The following ITIH1 variants were observed in gnomAD, a reference collection of about 807,000 sequenced individuals.
ITIH1 encodes inter-alpha-trypsin inhibitor heavy chain H1.
In ITIH1, 94 loss-of-function variants were observed where a neutral mutation model predicts 104.6. The observed-to-expected ratio is 0.90, with a 90% CI of 0.76 to 1.07. The LOEUF (loss-of-function observed/expected upper bound fraction) is 1.07, where lower values mean the gene tolerates loss of function less well. ITIH1 is among the 50% of genes least tolerant of loss of function. ITIH1 has a pLI of 0.00. For missense variants in ITIH1, 1,193 were observed against 1,181.4 expected (o/e 1.01, Z -0.14); for synonymous variants, 455 against 464.4 (o/e 0.98, Z 0.26).
chr3:52,778,745 GC>G, intron 3 of ITIH1, 196 bp from the exon 4 acceptor site: 2 of 1,333,524 alleles, frequency 1.5e-6, no homozygotes, highest in African/African-American at 1.5e-5. Flanking sequence ...AGGAGCCAAG[GC>G]CAGAGTCTGA....
intron 15 of ITIH1, 62 bp downstream of exon 15, chr3:52,787,264 C>A: frequency 6.2e-7 from 1 of 1,605,324 alleles, no homozygotes; most frequent in Non-Finnish European, 8.5e-7. Context: ...GTGGCAGGTG[C>A]TCCAGCCCCA....
chr3:52,784,712 T>C (rs368206698), intron 11 of ITIH1, among the ~76,000 whole-genome samples: 26 of 152,194 alleles, frequency 1.7e-4, no homozygotes, highest in African/African-American at 6.3e-4. Context: ...CCGTCTCTAC[T>C]GAAGATACAA....
At position 52,783,246 on chromosome 3, in the gene ITIH1, A is replaced by G; in HGVS notation, c.1132A>G (p.Ile378Val). 3.1e-6 allele frequency: 5 copies of G among 1,614,094 alleles called. No individual in the cohort carries two copies. The highest frequency in any genetic ancestry group is 4.2e-6 in the Non-Finnish European group (5 of 1,180,014). ...TNLNGGLLRG[I>V]EILNQVQESL... ...CCTGAATGGAGGTTTGCTCCGGGGAATTGAGATCTTGAACCAAGTTCAGGA... is the reference window on the plus strand; with the variant it reads ...CCTGAATGGAGGTTTGCTCCGGGGAGTTGAGATCTTGAACCAAGTTCAGGA... The change falls in exon 10 of 22, where the codon ATT becomes GTT. Residue 378 changes from isoleucine (I) to valine (V), a missense_variant. Ile to Val is a conservative substitution (Grantham distance 29). Coordinates refer to ENST00000273283, the MANE Select transcript of ITIH1 (RefSeq NM_002215.4).
At chr3:52,789,899 T>C in intron 19 of ITIH1, 45 bp downstream of exon 19, 1 of 1,589,882 alleles carries the variant, frequency 6.3e-7, no homozygotes. Context: ...AGGTGTGGCC[T>C]GGGCCCAGGA....
chr3:52,782,815 C>A, intron 8 of ITIH1, 142 bp from the exon 9 acceptor site: 1 of 775,008 alleles, frequency 1.3e-6, no homozygotes, highest in Non-Finnish European at 2.1e-6. Context: ...CAGGATGCTC[C>A]TGTCTCGGGG....
At position 52,779,966 on chromosome 3, in the gene ITIH1, G is replaced by A; in HGVS notation, c.574-303G>A. Reference sequence around the variant, plus strand: ...GTGGTGGCTGAGTTGAGGGATGCAGGCATGTACACCTTCATTTGGTCAGTA... The same window carrying A: ...GTGGTGGCTGAGTTGAGGGATGCAGACATGTACACCTTCATTTGGTCAGTA... On this transcript the variant is annotated intron_variant, in intron 5 of 21. Transcript: ENST00000273283. This position sits in a 1 kb window ranked among gnomAD's most constrained non-coding sequence, Gnocchi z 4.4. 1 of 1,387,062 alleles carries A rather than the reference G, an allele frequency of 7.2e-7. No individual in the cohort carries two copies. The highest frequency in any genetic ancestry group is 9.3e-7 in the Non-Finnish European group (1 of 1,071,370). The allele number at this position is 1,387,062 out of a possible 1,614,324, so 85.9% of individuals were successfully genotyped here.
In ITIH1 at chr3:52,784,437, A is replaced by T. The variant is rs1699147463; in HGVS notation, c.1367A>T (p.Gln456Leu). The change falls in exon 11 of 22, where the codon CAG becomes CTG. Residue 456 changes from glutamine to leucine, a missense_variant. Physicochemically the swap from Gln to Leu is moderately radical, Grantham distance 113 (BLOSUM62 -2). Transcript: ENST00000273283. Reference protein sequence around the residue: ...VMSMENNGRAQRIYEDHDATQ... With the variant: ...VMSMENNGRALRIYEDHDATQ... Reference sequence around the variant, plus strand: ...TCCATGGAGAACAACGGACGGGCCCAGAGAATCTACGAGGACCATGATGCC... The same window carrying T: ...TCCATGGAGAACAACGGACGGGCCCTGAGAATCTACGAGGACCATGATGCC... 1.2e-6 allele frequency: 2 copies of T among 1,614,170 alleles called. No individual in the cohort carries two copies. Among genetic ancestry groups the T allele is most frequent in the Non-Finnish European group, 1.7e-6 (2 of 1,180,012 alleles).
chr3:52,787,548 C>G (rs760634694), intron 15 of ITIH1, 44 bp from the exon 16 acceptor site: 1 of 1,613,262 alleles, frequency 6.2e-7, no homozygotes, highest in Non-Finnish European at 8.5e-7. Flanking sequence ...TGTGGGGCAC[C>G]GTGGGTGACA....
chr3:52,783,799 T>C (rs1014368147), intron 10 of ITIH1, among the ~76,000 whole-genome samples: 4 of 151,754 alleles, frequency 2.6e-5, no homozygotes, highest in African/African-American at 9.7e-5. Context: ...TGTGGAACCA[T>C]AGACAAAGGA....
Position 52,779,611 on chromosome 3 carries a change from G to T in ITIH1, c.573+17G>T. ...CATTTTGAGGTAGATCACAGGTCCCGGGGCAGGGGTCCTGCCCCTCTCTCC... is the reference window on the plus strand; with the variant it reads ...CATTTTGAGGTAGATCACAGGTCCCTGGGCAGGGGTCCTGCCCCTCTCTCC... On this transcript the variant is annotated intron_variant, in intron 5 of 21. Transcript: ENST00000273283. The surrounding 1 kb of genome is among the most constrained non-coding windows in gnomAD (Gnocchi z 4.4). 1 of 1,613,676 alleles carries T rather than the reference G, an allele frequency of 6.2e-7. No individual in the cohort carries two copies. Among genetic ancestry groups the T allele is most frequent in the South Asian group, 1.1e-5 (1 of 91,054 alleles).
rs758080538 is a variant in ITIH1 at position 52,782,966 on chromosome 3, G to A, written c.940G>A (p.Ala314Thr). ...RGQKVKQTKE[A>T]LLKILGDMQP... ...TGTTCTGTCCTTGCAGACCAAGGAG[G>A]CACTCCTTAAAATTCTGGGGGACAT... The change falls in exon 9 of 22, where the codon GCA becomes ACA. Residue 314 changes from alanine to threonine, a missense_variant. Coordinates refer to ENST00000273283, the MANE Select transcript of ITIH1 (RefSeq NM_002215.4). 1 of 1,613,992 alleles carries A rather than the reference G, an allele frequency of 6.2e-7. No homozygotes were observed. Among genetic ancestry groups the A allele is most frequent in the Admixed American group, 1.7e-5 (1 of 60,012 alleles).
intron 12 of ITIH1, 127 bp from the exon 13 acceptor site, chr3:52,786,168 G>C: frequency 3.3e-6 from 3 of 909,982 alleles, no homozygotes; most frequent in Non-Finnish European, 5.0e-6. Flanking sequence ...AACAGGCTCA[G>C]GGAAGCAGGT....
intron 6 of ITIH1, among the ~76,000 whole-genome samples, chr3:52,780,945 G>A (rs890230681): frequency 1.3e-5 from 2 of 152,188 alleles, no homozygotes; most frequent in East Asian, 3.9e-4. Context: ...CCCAACCCGA[G>A]CCAGGAACAA....
chr3:52,784,152 G>A, intron 10 of ITIH1, 144 bp from the exon 11 acceptor site: 1 of 679,952 alleles, frequency 1.5e-6, no homozygotes, highest in Non-Finnish European at 2.5e-6. Context: ...GAGCCAGGAG[G>A]ACGCGATGCC....
intron 6 of ITIH1, among the ~76,000 whole-genome samples, chr3:52,781,667 T>G (rs996322845): frequency 2.0e-5 from 3 of 152,174 alleles, no homozygotes; most frequent in Non-Finnish European, 2.9e-5. Context: ...ACATTGCTAT[T>G]ATTTTGTTAT....
chr3:52,789,547 G>A (rs1559466029), intron 18 of ITIH1, 106 bp from the exon 19 acceptor site: 3 of 951,448 alleles, frequency 3.2e-6, no homozygotes. Context: ...CAAAGACAGA[G>A]TGGCACAGGC....
intron 6 of ITIH1, among the ~76,000 whole-genome samples, chr3:52,781,271 CTT>C (rs1699047310): frequency 7.3e-6 from 1 of 136,572 alleles, no homozygotes; most frequent in South Asian, 2.4e-4. Context: ...TCTTCTTCTT[CTT>C]CTTCTTCTTC....
rs767489171 is a variant in ITIH1 at position 52,778,325 on chromosome 3, C to T, written c.139-15C>T. On this transcript the variant is annotated splice_polypyrimidine_tract_variant and intron_variant, in intron 2 of 21. Coordinates refer to ENST00000273283, the MANE Select transcript of ITIH1 (RefSeq NM_002215.4). ...GCCCTGTCTCAGGCCACAGCTCCTT[C>T]ATGTCTCACTTTAGGCTGTCGATGG... 10 of 1,613,598 alleles carry T rather than the reference C, an allele frequency of 6.2e-6. No individual in the cohort carries two copies. The highest frequency in any genetic ancestry group is 1.6e-4 in the Middle Eastern group (1 of 6,084).
At position 52,777,741 on chromosome 3, in the gene ITIH1, C is replaced by T; in HGVS notation, c.117+9C>T. 6.4e-7 allele frequency: 1 copy of T among 1,568,934 alleles called. No individual in the cohort carries two copies. The highest frequency in any genetic ancestry group is 2.2e-5 in the East Asian group (1 of 44,566). ...GGTCCAAGAGCAGCGAGGTATATGG[C>T]TAAGCCCACAGGGCAGAAATAGGCA... On this transcript the variant is annotated intron_variant, in intron 1 of 21. Coordinates refer to ENST00000273283, the MANE Select transcript of ITIH1 (RefSeq NM_002215.4).
Sources: allele counts gnomAD v4.1 joint callset (sites outside exome capture counted in the v4.1 genomes callset), GRCh38; gene constraint gnomAD v4.1.1; non-coding constraint Gnocchi (gnomAD v3.1); transcripts MANE v1.5; gene names NCBI Gene and HGNC (gene_info 2026-07-23, HGNC 2026-07-21).